SKAP1: variants seen among roughly 807,000 people sequenced by gnomAD.
SKAP1 encodes src kinase associated phosphoprotein 1.
SKAP1 carries 44 observed loss-of-function variants against 58.5 expected under a neutral mutation model. The ratio of observed to expected loss-of-function variants is 0.75; its 90% CI spans 0.59 to 0.97. The LOEUF is 0.97. Ranked by LOEUF, SKAP1 falls within the 50% of genes least tolerant of loss-of-function variation. The pLI, the probability that SKAP1 is intolerant of heterozygous loss-of-function variation, is 0.00. For synonymous variants in SKAP1, 127 were observed against 149.7 expected (o/e 0.85, Z 1.11); for missense variants, 390 against 435.2 (o/e 0.90, Z 0.92).
chr17:48,391,341 A>G (rs939819323), intron 2 of SKAP1, among the ~76,000 whole-genome samples: 1 of 152,230 alleles, frequency 6.6e-6, no homozygotes, highest in African/African-American at 2.4e-5. Flanking sequence ...GCTATTTTGA[A>G]AGGACAGAGA....
chr17:48,214,221 C>T (rs1051292615), intron 4 of SKAP1, among the ~76,000 whole-genome samples: 1 of 152,152 alleles, frequency 6.6e-6, no homozygotes, highest in African/African-American at 2.4e-5. Context: ...CTTTCACCCT[C>T]GAGCCTTCAA....
rs190304803 is a variant in SKAP1 at position 48,221,590 on chromosome 17, T to G, written c.281-32090A>C. On this transcript the variant is annotated intron_variant, in intron 4 of 12. Transcript: ENST00000336915. ...TTGGTTTAAACCTTCAAGTACTGTA[T>G]AGTGCATTATATCAAATGTTTTATA... Among the ~76,000 whole-genome samples the G allele has an allele frequency of 9.6e-4, 146 of 152,330 alleles. 1 individual carries two copies. Among genetic ancestry groups the G allele is most frequent in the African/African-American group, 2.8e-3 (115 of 41,568 alleles).
At chr17:48,221,924 C>T (rs1379730666) in intron 4 of SKAP1, among the ~76,000 whole-genome samples, 4 of 152,190 alleles carry the variant, frequency 2.6e-5, no homozygotes, top group African/African-American at 7.2e-5. Context: ...CTGTTGCCCA[C>T]TCCTCCTGAT....
At chr17:48,157,318 C>T (rs1166485943) in intron 11 of SKAP1, among the ~76,000 whole-genome samples, 2 of 151,874 alleles carry the variant, frequency 1.3e-5, no homozygotes, top group Non-Finnish European at 2.9e-5. Context: ...TCACTGCAAC[C>T]TCTGCCTTCC....
intron 9 of SKAP1, among the ~76,000 whole-genome samples, chr17:48,175,687 A>C (rs1177110479): frequency 1.3e-5 from 2 of 152,260 alleles, no homozygotes; most frequent in African/African-American, 4.8e-5. Flanking sequence ...CTGAATACAA[A>C]TCACTGGTGA....
intron 2 of SKAP1, chr17:48,380,333 G>A (rs2144475418): frequency 6.6e-6 from 1 of 152,304 alleles, no homozygotes; most frequent in East Asian, 1.9e-4. Flanking sequence ...AGCTAATCAG[G>A]CTGAAATGTT....
intron 4 of SKAP1, among the ~76,000 whole-genome samples, chr17:48,224,059 G>A (rs1234638790): frequency 2.0e-4 from 11 of 55,656 alleles, no homozygotes; most frequent in Admixed American, 6.8e-4. Context: ...GGAGGAGGAG[G>A]AGGAGGAGAA....
chr17:48,442,554 C>G, the SKAP1 span, among the ~76,000 whole-genome samples: 1 of 152,140 alleles, frequency 6.6e-6, no homozygotes, highest in Non-Finnish European at 1.5e-5. Context: ...GACTCCACAA[C>G]CACTTGTCCC....
chr17:48,397,419 T>A (rs1330892939), intron 1 of SKAP1, among the ~76,000 whole-genome samples: 1 of 152,148 alleles, frequency 6.6e-6, no homozygotes, highest in Admixed American at 6.5e-5. Flanking sequence ...AGAGATGGGT[T>A]TTCATCATGT....
intron 4 of SKAP1, among the ~76,000 whole-genome samples, chr17:48,339,053 A>G (rs1274988210): frequency 6.6e-6 from 1 of 152,216 alleles, no homozygotes; most frequent in African/African-American, 2.4e-5. Flanking sequence ...AAACTTGTTT[A>G]GAAATCCACC....
intron 4 of SKAP1, among the ~76,000 whole-genome samples, chr17:48,275,623 G>A (rs2065689478): frequency 6.6e-6 from 1 of 152,164 alleles, no homozygotes; most frequent in Admixed American, 6.6e-5. Context: ...TGATGAGTTT[G>A]GTTTTGGACA....
At chr17:48,296,533 G>T (rs1227359733) in intron 4 of SKAP1, among the ~76,000 whole-genome samples, 2 of 152,162 alleles carry the variant, frequency 1.3e-5, no homozygotes, top group Non-Finnish European at 2.9e-5. Context: ...TACCATATAT[G>T]CTGCCAGAAT....
At chr17:48,206,601 T>C (rs2064813788) in intron 4 of SKAP1, among the ~76,000 whole-genome samples, 1 of 152,110 alleles carries the variant, frequency 6.6e-6, no homozygotes, top group Non-Finnish European at 1.5e-5. Flanking sequence ...GGGGAATTGA[T>C]GGCTGGGATG....
intron 3 of SKAP1, 37 bp from the exon 4 acceptor site, chr17:48,346,043 T>C (rs1598596567): frequency 7.8e-7 from 1 of 1,286,954 alleles, no homozygotes. Context: ...AGGTTAATCT[T>C]TGGGCATCCT....
chr17:48,245,589 TG>T (rs1217123912), intron 4 of SKAP1, among the ~76,000 whole-genome samples: 1 of 152,200 alleles, frequency 6.6e-6, no homozygotes, highest in Non-Finnish European at 1.5e-5. Flanking sequence ...TTATAACAAA[TG>T]GGTTTGAATT....
At chr17:48,270,537 T>C (rs2065615339) in intron 4 of SKAP1, among the ~76,000 whole-genome samples, 1 of 151,986 alleles carries the variant, frequency 6.6e-6, no homozygotes, top group South Asian at 2.1e-4. Flanking sequence ...GAGATGGGGT[T>C]TCTCCATGTT....
intron 4 of SKAP1, among the ~76,000 whole-genome samples, chr17:48,273,806 C>A (rs190483784): frequency 1.3e-5 from 2 of 152,268 alleles, no homozygotes; most frequent in Admixed American, 1.3e-4. Context: ...TAATTGTCAC[C>A]TGCAGCTTGT....
At chr17:48,134,540 A>T (rs774322574) in intron 12 of SKAP1, among the ~76,000 whole-genome samples, 77 of 151,400 alleles carry the variant, frequency 5.1e-4, no homozygotes, top group Non-Finnish European at 9.4e-4. Context: ...CTGGTCTCGA[A>T]CTCCTGACCT....
At chr17:48,167,651 C>T (rs927957477) in intron 10 of SKAP1, among the ~76,000 whole-genome samples, 10 of 152,094 alleles carry the variant, frequency 6.6e-5, no homozygotes, top group Admixed American at 2.0e-4. Context: ...TTAGTTTTTC[C>T]ACAATTTCAG....
Sources: gnomAD v4.1 joint callset for allele counts (sites outside exome capture counted in the v4.1 genomes callset) on GRCh38, gnomAD v4.1.1 for gene constraint, MANE v1.5 for transcripts, NCBI Gene and HGNC (gene_info 2026-07-23, HGNC 2026-07-21) for gene names.